Variants in JARID2 observed in about 807,000 individuals in gnomAD.
The protein encoded by JARID2 is protein Jumonji.
In JARID2, 21 loss-of-function variants were observed where a neutral mutation model predicts 125.6. The observed-to-expected ratio is 0.17, with a 90% confidence interval of 0.12 to 0.24. JARID2 has a LOEUF of 0.24. Among genes scored for constraint, JARID2 ranks in the 10% least tolerant of loss-of-function variants. The pLI is 1.00. For synonymous variants in JARID2, 736 were observed against 661.6 expected, an observed-to-expected ratio of 1.11 and a Z score of -1.73; for missense variants, 1,303 against 1,639.6, an observed-to-expected ratio of 0.79 and a Z score of 3.55.
At chr6:15,425,455 A>G (rs528937687) in intron 3 of JARID2, among the ~76,000 whole-genome samples, 1 of 152,104 alleles carries the variant, frequency 6.6e-6, no homozygotes, top group Non-Finnish European at 1.5e-5. Context: ...TGCCCCCCAA[A>G]TTTCATGTGT....
chr6:15,268,761 G>C (rs1473307986), intron 1 of JARID2, among the ~76,000 whole-genome samples: 1 of 152,200 alleles, frequency 6.6e-6, no homozygotes, highest in Non-Finnish European at 1.5e-5. Context: ...CTGTGCTTCA[G>C]TTGGCAGAAT....
At chr6:15,379,242 A>G (rs1298796070) in intron 2 of JARID2, among the ~76,000 whole-genome samples, 2 of 152,122 alleles carry the variant, frequency 1.3e-5, no homozygotes, top group African/African-American at 4.8e-5. Context: ...CTGTGTAGCA[A>G]CTGATGCCAT....
chr6:15,267,484 A>AGG (rs1166272463), intron 1 of JARID2, among the ~76,000 whole-genome samples: 1 of 152,214 alleles, frequency 6.6e-6, no homozygotes, highest in Non-Finnish European at 1.5e-5. Flanking sequence ...GAAATGGCCT[A>AGG]GGTACAAGGA....
intron 5 of JARID2, among the ~76,000 whole-genome samples, chr6:15,475,676 C>T (rs763141227): frequency 2.6e-5 from 4 of 152,202 alleles, no homozygotes; most frequent in Non-Finnish European, 5.9e-5. Flanking sequence ...AAGCAAAACA[C>T]GAGCTGTGCT....
intron 1 of JARID2, among the ~76,000 whole-genome samples, chr6:15,295,364 G>A (rs561744240): frequency 2.0e-5 from 3 of 152,054 alleles, no homozygotes; most frequent in South Asian, 2.1e-4. Context: ...CTCGTGATCC[G>A]CCTGCCTCAG....
At chr6:15,321,651 C>T (rs1025611588) in intron 1 of JARID2, among the ~76,000 whole-genome samples, 1 of 152,128 alleles carries the variant, frequency 6.6e-6, no homozygotes, top group African/African-American at 2.4e-5. Context: ...AATTGCTTGA[C>T]TCTTCTTTGG....
At chr6:15,428,808 A>G (rs934645027) in intron 3 of JARID2, among the ~76,000 whole-genome samples, 5 of 151,814 alleles carry the variant, frequency 3.3e-5, no homozygotes, top group Admixed American at 6.6e-5. Flanking sequence ...TGGGAAGCTG[A>G]GGCAGGAGAA....
intron 1 of JARID2, among the ~76,000 whole-genome samples, chr6:15,249,335 G>T (rs1759344119): frequency 6.6e-6 from 1 of 151,958 alleles, no homozygotes; most frequent in Non-Finnish European, 1.5e-5. Flanking sequence ...GTACTACGGT[G>T]GGGGGGCTTT....
At chr6:15,293,082 G>A (rs1439598841) in intron 1 of JARID2, among the ~76,000 whole-genome samples, 1 of 152,224 alleles carries the variant, frequency 6.6e-6, no homozygotes, top group Non-Finnish European at 1.5e-5. Context: ...TGCTTGGGAA[G>A]TTGATCTTTG....
At chr6:15,274,462 A>G (rs1451955441) in intron 1 of JARID2, among the ~76,000 whole-genome samples, 9 of 152,230 alleles carry the variant, frequency 5.9e-5, no homozygotes. Context: ...CTGAAGAAAC[A>G]TGCTCTATTT....
chr6:15,419,179 T>A (rs1416027263), intron 3 of JARID2, among the ~76,000 whole-genome samples: 1 of 152,252 alleles, frequency 6.6e-6, no homozygotes, highest in Non-Finnish European at 1.5e-5. Flanking sequence ...CCTTGATTTA[T>A]ATTTAGAAGC....
At chr6:15,293,317 T>A (rs794780) in intron 1 of JARID2, among the ~76,000 whole-genome samples, 41,729 of 151,978 alleles carry the variant, frequency 0.27, 6,045 homozygotes, top group African/African-American at 0.37. Context: ...GGGGAGGCTG[T>A]GGCAGGAGAA....
chr6:15,395,419 C>T (rs529332241), intron 2 of JARID2, among the ~76,000 whole-genome samples: 11 of 152,182 alleles, frequency 7.2e-5, no homozygotes, highest in Admixed American at 4.6e-4. Context: ...GCGTGCACCA[C>T]TGTGCCCGGC....
chr6:15,459,828 A>G (rs547605147), intron 4 of JARID2, among the ~76,000 whole-genome samples: 1 of 152,244 alleles, frequency 6.6e-6, no homozygotes, highest in Non-Finnish European at 1.5e-5. Flanking sequence ...ACAGAATGAA[A>G]GGGGATTAAC....
intron 4 of JARID2, among the ~76,000 whole-genome samples, chr6:15,466,333 A>G (rs1768738205): frequency 2.0e-5 from 3 of 152,212 alleles, no homozygotes; most frequent in African/African-American, 2.4e-5. Context: ...TTTTATACCA[A>G]TCCATCGTTT....
chr6:15,456,180 A>G (rs922484799), intron 4 of JARID2, among the ~76,000 whole-genome samples: 2 of 152,186 alleles, frequency 1.3e-5, no homozygotes, highest in African/African-American at 4.8e-5. Context: ...TTATAACATT[A>G]TATTTTCTGA....
chr6:15,494,196 T>C (rs1460934882), intron 6 of JARID2, among the ~76,000 whole-genome samples: 1 of 152,194 alleles, frequency 6.6e-6, no homozygotes, highest in Non-Finnish European at 1.5e-5. Context: ...CTTTCCTTTT[T>C]GATTTTTATA....
chr6:15,246,782 A>G (rs966160976), intron 1 of JARID2, among the ~76,000 whole-genome samples, 198 bp downstream of exon 1: 43 of 152,148 alleles, frequency 2.8e-4, no homozygotes, highest in African/African-American at 9.9e-4. Context: ...TGGTGTAGAG[A>G]TACCTCAAGT....
rs752021292 is a variant in JARID2 at position 15,508,333 on chromosome 6, G to C, written c.2732-7G>C. On this transcript the variant is annotated splice_region_variant and splice_polypyrimidine_tract_variant and intron_variant, in intron 11 of 17. Transcript: ENST00000341776. The stretch of plus-strand genomic sequence containing the variant: ...TAAAAATGCCCTTTTCACTCTTTCT[G>C]TTTTAGGAGTGACTATTCCCTGGCT... The C allele has an allele frequency of 6.8e-7, 1 of 1,468,700 alleles. No homozygotes were observed. The highest frequency in any genetic ancestry group is 1.4e-5 in the African/African-American group (1 of 72,014). The allele number at this position is 1,468,700 out of a possible 1,614,324, so 91.0% of individuals were successfully genotyped here.
Sources: allele counts gnomAD v4.1 joint callset (sites outside exome capture counted in the v4.1 genomes callset), GRCh38; gene constraint gnomAD v4.1.1; transcripts MANE v1.5; gene names NCBI Gene and HGNC (gene_info 2026-07-23, HGNC 2026-07-21).